The following AGAP2 variants were observed in gnomAD, a reference collection of about 807,000 sequenced individuals.
AGAP2 encodes ArfGAP with GTPase domain, ankyrin repeat and PH domain 2.
A neutral mutation model predicts 110.9 loss-of-function variants in AGAP2; 32 were observed. The observed-to-expected ratio is 0.29, with a 90% CI of 0.22 to 0.39. The LOEUF (loss-of-function observed/expected upper bound fraction) is 0.39. AGAP2 is among the 10% of genes least tolerant of loss of function. The pLI is 1.00. For missense variants in AGAP2, 1,285 were observed against 1,638.5 expected, an observed-to-expected ratio of 0.78 and a Z score of 3.72; for synonymous variants, 702 against 713.0, an observed-to-expected ratio of 0.98 and a Z score of 0.25.
Position 57,727,396 on chromosome 12 carries a change from G to A in AGAP2, c.3044C>T (p.Thr1015Met), listed in dbSNP as rs1278662316. Reference protein sequence around the residue: ...DTANRVWESDTRGRAKPSRDS... With the variant: ...DTANRVWESDMRGRAKPSRDS... ...CCGCGAGGGCTTGGCACGGCCTCGC[G>A]TGTCGCTTTCCCACACGCGGTTGGC... Residue 1015 changes from threonine (T) to methionine (M), a missense_variant, in exon 17 of 19, where the codon ACG becomes ATG. Coordinates refer to ENST00000547588, the MANE Select transcript of AGAP2 (RefSeq NM_001122772.3). 1.1e-5 allele frequency: 18 copies of A among 1,612,718 alleles called. No homozygotes were observed. The highest frequency in any genetic ancestry group is 1.4e-5 in the Non-Finnish European group (17 of 1,179,690).
Position 57,737,950 on chromosome 12 carries a change from A to T in AGAP2, c.297T>A (p.Ser99Arg), listed in dbSNP as rs1486083632. ...EPPALSPAPA[S>R]PARPVSPAPG... Reference sequence around the variant, plus strand: ...GAGCGGGGGAGACTGGGCGGGCCGGACTGGCCGGAGCCGGGGACAGGGCTG... The same window carrying T: ...GAGCGGGGGAGACTGGGCGGGCCGGTCTGGCCGGAGCCGGGGACAGGGCTG... Residue 99 changes from serine (S) to arginine (R), a missense_variant, in exon 1 of 19, where the codon AGT becomes AGA. Physicochemically the swap from Ser to Arg is moderately radical, Grantham distance 110 (BLOSUM62 -1). Transcript: ENST00000547588. This position sits in a 1 kb window ranked among gnomAD's most constrained non-coding sequence, Gnocchi z 5.9. 1 of 1,396,564 alleles carries T rather than the reference A, an allele frequency of 7.2e-7. No individual in the cohort carries two copies. The highest frequency in any genetic ancestry group is 3.0e-5 in the East Asian group (1 of 33,726). 86.5% of individuals were successfully genotyped at this position (1,396,564 alleles called of 1,614,324 possible).
chr12:57,738,691 G>A lies in AGAP2; in HGVS notation c.-445C>T, dbSNP rs1955037423. Among the ~76,000 whole-genome samples the A allele has an allele frequency of 1.3e-5, 2 of 152,064 alleles. No individual in the cohort carries two copies. Among genetic ancestry groups the A allele is most frequent in the Admixed American group, 1.3e-4 (2 of 15,292 alleles). On this transcript the variant is annotated 5_prime_UTR_variant, in exon 1 of 19. Coordinates refer to ENST00000547588, the MANE Select transcript of AGAP2 (RefSeq NM_001122772.3). This position sits in a 1 kb window ranked among gnomAD's most constrained non-coding sequence, Gnocchi z 6.7. The stretch of plus-strand genomic sequence containing the variant: ...GCGGGGAATTGGGACTCAAGGGACA[G>A]GGGCCGCGGATGCGGTCGGAAAGAG...
chr12:57,727,485 C>A lies in AGAP2; in HGVS notation c.2955G>T (p.Ser985=), dbSNP rs778501732. The A allele has an allele frequency of 1.2e-6, 2 of 1,612,098 alleles. No individual in the cohort carries two copies. Among genetic ancestry groups the A allele is most frequent in the South Asian group, 1.1e-5 (1 of 90,992 alleles). The change falls in exon 17 of 19, where the codon TCG becomes TCT. Residue 985 remains serine (S), a synonymous_variant. Coordinates refer to ENST00000547588, the MANE Select transcript of AGAP2 (RefSeq NM_001122772.3). ...CCCGTGGCCAGTCGTCCAAGTCCAG[C>A]GAGCGAACGCGGGACAGGTGTGTGC... is the stretch of plus-strand genomic sequence containing the variant. ...NLGTHLSRVR[S]LDLDDWPREL...
chr12:57,734,195 A>T, intron 4 of AGAP2, 22 bp from the exon 5 acceptor site: 1 of 1,603,904 alleles, frequency 6.2e-7, no homozygotes, highest in East Asian at 2.2e-5. Context: ...TGAGGGAGCA[A>T]ATGGAAAGTC....
rs1484275112 is a variant in AGAP2 at position 57,726,207 on chromosome 12, TC to T, written c.*344del. Reference sequence around the variant, plus strand: ...AGCTCGGGCAGGACCGGGTCTTCTTTCCGCCCCTAGGGGGCACAAGCGGGCA... The same window carrying T: ...AGCTCGGGCAGGACCGGGTCTTCTTTCGCCCCTAGGGGGCACAAGCGGGCA... On this transcript the variant is annotated 3_prime_UTR_variant, in exon 19 of 19. Transcript: ENST00000547588. This position sits in a 1 kb window ranked among gnomAD's most constrained non-coding sequence, Gnocchi z 5.7. 3 of 167,494 alleles carry T rather than the reference TC, an allele frequency of 1.8e-5. No homozygotes were observed. The highest frequency in any genetic ancestry group is 7.2e-5 in the African/African-American group (3 of 41,824). 10.4% of individuals were successfully genotyped at this position (167,494 alleles called of 1,614,324 possible). A position where few individuals can be genotyped will look rare whatever the true frequency, so the allele number is the denominator to read the frequency against.
Position 57,729,677 on chromosome 12 carries a change from G to T in AGAP2, c.2519C>A (p.Thr840Lys). 1.2e-6 allele frequency: 2 copies of T among 1,613,762 alleles called. No homozygotes were observed. Among genetic ancestry groups the T allele is most frequent in the Non-Finnish European group, 1.7e-6 (2 of 1,179,866 alleles). ...VKKQRRKKLT[T>K]PSKTEGSAGQ... ...AGCCGAGCCTTCAGTCTTGGATGGT[G>T]TTGTCAATTTTTTCCTCCTCTGCTT... The change falls in exon 13 of 19, where the codon ACA becomes AAA. Residue 840 changes from threonine to lysine, a missense_variant. This residue lies in a region of AGAP2 where 135 missense variants were observed against 182.0 expected (regional missense o/e 0.74). Transcript: ENST00000547588.
chr12:57,736,959 T>C, intron 1 of AGAP2, 120 bp downstream of exon 1: 1 of 1,432,616 alleles, frequency 7.0e-7, no homozygotes, highest in South Asian at 1.5e-5. Context: ...GGGGTGAGCT[T>C]GGTTCATCCG....
chr12:57,727,762 C>G lies in AGAP2; in HGVS notation c.2776G>C (p.Asp926His). The G allele has an allele frequency of 3.8e-6, 6 of 1,578,226 alleles. No homozygotes were observed. Among genetic ancestry groups the G allele is most frequent in the Non-Finnish European group, 5.2e-6 (6 of 1,160,848 alleles). ...CESSKVKLRT[D>H]SQSEAVAIQA... Reference sequence around the variant, plus strand: ...ATGGCCACGGCCTCGCTTTGGCTGTCTGTGCGCAGCTGCAGAGAGGGTTTG... The same window carrying G: ...ATGGCCACGGCCTCGCTTTGGCTGTGTGTGCGCAGCTGCAGAGAGGGTTTG... The change falls in exon 16 of 19, where the codon GAC becomes CAC. Residue 926 changes from aspartate to histidine, a missense_variant. Transcript: ENST00000547588.
Position 57,738,442 on chromosome 12 carries a change from C to T in AGAP2, c.-196G>A, listed in dbSNP as rs1417483335. 1 of 424,248 alleles carries T rather than the reference C, an allele frequency of 2.4e-6. No individual in the cohort carries two copies. The allele number at this position is 424,248 out of a possible 1,614,324, so 26.3% of individuals were successfully genotyped here. A position where few individuals can be genotyped will look rare whatever the true frequency, so the allele number is the denominator to read the frequency against. Reference sequence around the variant, plus strand: ...TCCCATCACATGGGGCGCCCCCTCCCCATGCTCCCCGCCCTGCGCCCCCAC... The same window carrying T: ...TCCCATCACATGGGGCGCCCCCTCCTCATGCTCCCCGCCCTGCGCCCCCAC... On this transcript the variant is annotated 5_prime_UTR_variant, in exon 1 of 19. Transcript: ENST00000547588. This position sits in a 1 kb window ranked among gnomAD's most constrained non-coding sequence, Gnocchi z 6.7.
intron 6 of AGAP2, 53 bp from the exon 7 acceptor site, chr12:57,732,565 C>T: frequency 2.7e-6 from 4 of 1,480,560 alleles, no homozygotes; most frequent in Non-Finnish European, 3.7e-6. Context: ...CCAAGACCAC[C>T]CTTCCATGCC....
Position 57,734,008 on chromosome 12 carries a change from T to C in AGAP2, c.1549+18A>G. The C allele has an allele frequency of 2.6e-6, 4 of 1,554,172 alleles. No individual in the cohort carries two copies. The highest frequency in any genetic ancestry group is 3.5e-6 in the Non-Finnish European group (4 of 1,150,778). On this transcript the variant is annotated intron_variant, in intron 5 of 18. Coordinates refer to ENST00000547588, the MANE Select transcript of AGAP2 (RefSeq NM_001122772.3). ...TAGGGCCTCCCTTGAAAGCAGTGCT[T>C]TCCTAACCCCTCCTTACCTTGTGTC...
intron 1 of AGAP2, among the ~76,000 whole-genome samples, chr12:57,736,562 T>A (rs1259065742): frequency 6.6e-6 from 1 of 152,138 alleles, no homozygotes; most frequent in African/African-American, 2.4e-5. Context: ...TACCGCCCAA[T>A]CCGCCTTCAC....
intron 13 of AGAP2, 93 bp downstream of exon 13, chr12:57,729,546 G>T (rs1954843516): frequency 2.0e-6 from 3 of 1,523,604 alleles, no homozygotes; most frequent in Non-Finnish European, 2.6e-6. Flanking sequence ...CTCAGCTCAG[G>T]CACTTTTCCT....
At chr12:57,732,612 C>A in intron 6 of AGAP2, 100 bp from the exon 7 acceptor site, 1 of 1,318,370 alleles carries the variant, frequency 7.6e-7, no homozygotes. Flanking sequence ...ACACAGGACC[C>A]AACTTCCTTG....
chr12:57,730,606 T>C lies in AGAP2; in HGVS notation c.2317A>G (p.Thr773Ala). 4 of 1,612,950 alleles carry C rather than the reference T, an allele frequency of 2.5e-6. No individual in the cohort carries two copies. Among genetic ancestry groups the C allele is most frequent in the Non-Finnish European group, 3.4e-6 (4 of 1,179,560 alleles). ...CTGGGGCTAGGGCTTGGCATGGGAG[T>C]AGTGGCTTCTGTCGGAAGAAGATGA... ...VQMGEGLEAT[T>A]PMPSPSPSPS... Residue 773 changes from threonine to alanine, a missense_variant, in exon 12 of 19, where the codon ACT (threonine) becomes GCT (alanine). Thr to Ala is a moderately conservative substitution (Grantham distance 58, BLOSUM62 0). Around this residue, in one of 7 missense-constraint regions of AGAP2, gnomAD observed 135 missense variants for 182.0 expected, o/e 0.74. Transcript: ENST00000547588.
chr12:57,734,512 T>C (rs1954944048), intron 3 of AGAP2, 80 bp downstream of exon 3: 5 of 1,592,134 alleles, frequency 3.1e-6, no homozygotes, highest in Non-Finnish European at 8.6e-7. Flanking sequence ...CCCCCTGGTC[T>C]CCACACCTGC....
chr12:57,741,996 G>A (rs1434628370), upstream of AGAP2: 1 of 1,614,168 alleles, frequency 6.2e-7, no homozygotes, highest in East Asian at 2.2e-5. Flanking sequence ...AGGCGGTTTA[G>A]AGCCTGCTTG....
Position 57,727,205 on chromosome 12 carries a change from G to A in AGAP2, c.3105C>T (p.Arg1035=). Reference sequence around the variant, plus strand: ...GGAACAGTAGCTGCTCGTACTTGGCGCGAATCCACGACTCGCGCTCCTCCC... The same window carrying A: ...GGAACAGTAGCTGCTCGTACTTGGCACGAATCCACGACTCGCGCTCCTCCC... The part of the protein sequence containing the change: ...SSREERESWI[R]AKYEQLLFLA... The change falls in exon 18 of 19, where the codon CGC becomes CGT. Residue 1035 remains arginine, a synonymous_variant. Transcript: ENST00000547588. 2.5e-6 allele frequency: 4 copies of A among 1,611,888 alleles called. No individual in the cohort carries two copies. In the South Asian group the frequency reaches 3.3e-5, roughly 13 times the overall value.
In AGAP2 at chr12:57,737,372, G is replaced by T; in HGVS notation, c.875C>A (p.Pro292Gln). The T allele has an allele frequency of 6.2e-7, 1 of 1,613,878 alleles. No homozygotes were observed. The highest frequency in any genetic ancestry group is 8.5e-7 in the Non-Finnish European group (1 of 1,179,832). ...ACTCGGAGTTGGTGGGAGGGTTAGC[G>T]GAGGAGGAGAGCCGGCAGGCGGTCC... is the stretch of plus-strand genomic sequence containing the variant. The part of the protein sequence containing the change: ...HPGPPAGSPP[P>Q]LTLPPTPSPA... Residue 292 changes from proline (P) to glutamine (Q), a missense_variant, in exon 1 of 19, where the codon CCG becomes CAG. By Grantham distance (76) the Pro-to-Gln change is moderately conservative. Transcript: ENST00000547588. The surrounding 1 kb of genome is among the most constrained non-coding windows in gnomAD (Gnocchi z 5.9).
Sources: gnomAD v4.1 joint callset for allele counts (sites outside exome capture counted in the v4.1 genomes callset) on GRCh38, gnomAD v4.1.1 for gene constraint, gnomAD v4.1.1 regional missense constraint, Gnocchi (gnomAD v3.1) non-coding constraint, MANE v1.5 for transcripts, NCBI Gene and HGNC (gene_info 2026-07-23, HGNC 2026-07-21) for gene names.